Variants in ZNF700 observed in about 807,000 individuals in gnomAD.
ZNF700 encodes the protein zinc finger protein 700.
ZNF700 carries 38 observed loss-of-function variants against 65.3 expected under a neutral mutation model. That is an observed-to-expected ratio of 0.58 (90% CI 0.45 to 0.76). The LOEUF is 0.76. Among genes scored for constraint, ZNF700 ranks in the 30% least tolerant of loss-of-function variants. The probability of loss-of-function intolerance (pLI) is 0.00; values close to 1 mark genes in which losing one functional copy is unlikely to be tolerated. For missense variants in ZNF700, 857 were observed against 888.4 expected (o/e 0.96, Z 0.45); for synonymous variants, 285 against 290.4 (o/e 0.98, Z 0.19).
intron 1 of ZNF700, among the ~76,000 whole-genome samples, chr19:11,944,577 G>A (rs1022226698): frequency 2.6e-5 from 4 of 152,134 alleles, no homozygotes; most frequent in East Asian, 1.9e-4. Flanking sequence ...AGAAGCACAC[G>A]GGTTACTTCA....
intron 1 of ZNF700, among the ~76,000 whole-genome samples, chr19:11,934,673 TG>T (rs1972763263): frequency 6.8e-6 from 1 of 147,356 alleles, no homozygotes; most frequent in South Asian, 2.1e-4. Context: ...ATTACAGGCG[TG>T]CGCTGCCTCT....
intron 1 of ZNF700, among the ~76,000 whole-genome samples, chr19:11,936,341 C>T (rs1383900710): frequency 1.3e-5 from 2 of 152,158 alleles, no homozygotes; most frequent in Non-Finnish European, 2.9e-5. Context: ...ACATCCTCTC[C>T]AGCACCTGTT....
chr19:11,929,499 A>G (rs1460841847), intron 1 of ZNF700, among the ~76,000 whole-genome samples: 1 of 148,240 alleles, frequency 6.7e-6, no homozygotes, highest in Non-Finnish European at 1.5e-5. Context: ...TAGGTAGAAA[A>G]TTTCTAGGTA....
At position 11,935,100 on chromosome 19, in the gene ZNF700, C is replaced by T. The variant is rs541724658; in HGVS notation, c.63+9827C>T. On this transcript the variant is annotated intron_variant, in intron 1 of 3. Coordinates refer to ENST00000254321, the MANE Select transcript of ZNF700 (RefSeq NM_144566.3). ...CTGAGGCAGGAGAATGGCATGAACC[C>T]GGGAGGCGGAGCTTGCAGTGGGCCG... Among the ~76,000 whole-genome samples, 544 of 138,848 alleles carry T rather than the reference C, an allele frequency of 3.9e-3. 6 individuals are homozygous for T. The highest frequency in any genetic ancestry group is 5.6e-3 in the Non-Finnish European group (374 of 66,202). 91.1% of individuals were successfully genotyped at this position (138,848 alleles called of 152,430 possible). A position where few individuals can be genotyped will look rare whatever the true frequency, so the allele number is the denominator to read the frequency against.
chr19:11,938,072 T>G (rs1441263315), intron 1 of ZNF700, among the ~76,000 whole-genome samples: 1 of 151,890 alleles, frequency 6.6e-6, no homozygotes. Flanking sequence ...ATTCTTGTCG[T>G]TTTTTGTTCG....
intron 1 of ZNF700, among the ~76,000 whole-genome samples, chr19:11,945,656 C>G (rs1972948136): frequency 6.6e-6 from 1 of 152,126 alleles, no homozygotes; most frequent in Admixed American, 6.5e-5. Flanking sequence ...TTGACCATCA[C>G]TTAGCCAGAG....
intron 1 of ZNF700, among the ~76,000 whole-genome samples, chr19:11,936,560 T>C (rs949286888): frequency 1.3e-5 from 2 of 152,232 alleles, no homozygotes; most frequent in Admixed American, 6.5e-5. Flanking sequence ...GTAAGTTTGT[T>C]TGAGTTCCTT....
In ZNF700 at chr19:11,950,457, G is replaced by T; in HGVS notation, c.*204G>T. The stretch of plus-strand genomic sequence containing the variant: ...TTCAATGTCATGAAAGGACTCACAC[G>T]GGAGAGAAACCCTATGAGTGTATTC... On this transcript the variant is annotated 3_prime_UTR_variant, in exon 4 of 4. Transcript: ENST00000254321. The T allele has an allele frequency of 7.3e-5, 50 of 685,542 alleles. No individual in the cohort carries two copies. The highest frequency in any genetic ancestry group is 1.0e-4 in the Non-Finnish European group (39 of 380,130). 42.5% of individuals were successfully genotyped at this position (685,542 alleles called of 1,614,324 possible). A position where few individuals can be genotyped will look rare whatever the true frequency, so the allele number is the denominator to read the frequency against.
chr19:11,948,708 G>C lies in ZNF700; in HGVS notation c.684G>C (p.Gly228=). 2 of 1,612,650 alleles carry C rather than the reference G, an allele frequency of 1.2e-6. No homozygotes were observed. Among genetic ancestry groups the C allele is most frequent in the Non-Finnish European group, 1.7e-6 (2 of 1,179,676 alleles). ...GDGTYKCKFC[G]KAFHSFSLYL... Reference sequence around the variant, plus strand: ...GAACTTATAAATGTAAATTTTGTGGGAAAGCCTTCCATTCTTTCAGTTTAT... The same window carrying C: ...GAACTTATAAATGTAAATTTTGTGGCAAAGCCTTCCATTCTTTCAGTTTAT... The change falls in exon 4 of 4, where the codon GGG becomes GGC. Residue 228 remains glycine, a synonymous_variant. Transcript: ENST00000254321.
At chr19:11,947,430 G>T (rs1599293755) in intron 2 of ZNF700, 84 bp from the exon 3 acceptor site, 21 of 1,598,968 alleles carry the variant, frequency 1.3e-5, no homozygotes, top group Non-Finnish European at 1.8e-5. Flanking sequence ...AGGCATGGCT[G>T]CAGTAAATCA....
chr19:11,947,263 T>A lies in ZNF700; in HGVS notation c.146T>A (p.Phe49Tyr). ...CTGGATATTTCCCAGAAGAATCTCT[T>A]CAGGGAAGTGATGCTGGAAACTTTC... ...TLLDISQKNL[F>Y]REVMLETFRN... is the part of the protein sequence containing the mutation. The change falls in exon 2 of 4, where the codon TTC becomes TAC. Residue 49 changes from phenylalanine (F) to tyrosine (Y), a missense_variant. Coordinates refer to ENST00000254321, the MANE Select transcript of ZNF700 (RefSeq NM_144566.3). The A allele has an allele frequency of 6.2e-7, 1 of 1,614,092 alleles. No individual in the cohort carries two copies. The highest frequency in any genetic ancestry group is 2.2e-5 in the East Asian group (1 of 44,876).
intron 1 of ZNF700, among the ~76,000 whole-genome samples, chr19:11,932,830 G>A (rs1025493308): frequency 2.0e-5 from 3 of 147,162 alleles, no homozygotes; most frequent in Non-Finnish European, 4.4e-5. Context: ...GTAGAGACGG[G>A]GTTTCACCGT....
intron 2 of ZNF700, 95 bp downstream of exon 2, chr19:11,947,402 T>TA: frequency 1.2e-6 from 2 of 1,603,444 alleles, no homozygotes; most frequent in Non-Finnish European, 1.7e-6. Context: ...AGACAGGAAA[T>TA]ACCTTGATGA....
At chr19:11,946,088 C>G (rs549371970) in intron 1 of ZNF700, among the ~76,000 whole-genome samples, 1 of 152,312 alleles carries the variant, frequency 6.6e-6, no homozygotes, top group South Asian at 2.1e-4. Context: ...GCACCTGAGC[C>G]TGGTCCCCCT....
At chr19:11,945,498 G>C (rs1972945250) in intron 1 of ZNF700, among the ~76,000 whole-genome samples, 1 of 152,136 alleles carries the variant, frequency 6.6e-6, no homozygotes, top group African/African-American at 2.4e-5. Context: ...GCTCTCAAGT[G>C]CTTGAGGTGG....
At chr19:11,929,370 G>A (rs555006613) in intron 1 of ZNF700, among the ~76,000 whole-genome samples, 2 of 148,028 alleles carry the variant, frequency 1.4e-5, no homozygotes, top group South Asian at 4.2e-4. Context: ...TACCACACTG[G>A]CCAGGCTAGT....
At chr19:11,934,962 G>C (rs1357694751) in intron 1 of ZNF700, among the ~76,000 whole-genome samples, 9 of 147,086 alleles carry the variant, frequency 6.1e-5, no homozygotes, top group East Asian at 6.1e-4. Flanking sequence ...GGGTGGATCA[G>C]GAGGTCAGAT....
chr19:11,928,395 T>C (rs73003937), intron 1 of ZNF700, among the ~76,000 whole-genome samples: 6,824 of 152,210 alleles, frequency 0.045, 231 homozygotes, highest in Non-Finnish European at 0.063. Context: ...AATTTAACAT[T>C]CCATCTGAAG....
At position 11,947,282 on chromosome 19, in the gene ZNF700, A is replaced by G; in HGVS notation, c.165A>G (p.Glu55=). 1 of 1,613,984 alleles carries G rather than the reference A, an allele frequency of 6.2e-7. No individual in the cohort carries two copies. The highest frequency in any genetic ancestry group is 8.5e-7 in the Non-Finnish European group (1 of 1,179,986). ...ATCTCTTCAGGGAAGTGATGCTGGA[A>G]ACTTTCAGGAACCTGACCTCTATAG... The part of the protein sequence containing the change: ...QKNLFREVML[E]TFRNLTSIGK... Residue 55 remains glutamate (E), a synonymous_variant, in exon 2 of 4, where the codon GAA becomes GAG. Transcript: ENST00000254321.
Sources: allele counts gnomAD v4.1 joint callset (sites outside exome capture counted in the v4.1 genomes callset), GRCh38; gene constraint gnomAD v4.1.1; transcripts MANE v1.5; gene names NCBI Gene and HGNC (gene_info 2026-07-23, HGNC 2026-07-21).